CHRM3: variants seen among roughly 807,000 people sequenced by gnomAD.
CHRM3 encodes muscarinic acetylcholine receptor M3.
A neutral mutation model predicts 41.8 loss-of-function variants in CHRM3; 11 were observed. The observed-to-expected ratio is 0.26, with a 90% confidence interval of 0.17 to 0.44. The LOEUF is 0.44. Among genes scored for constraint, CHRM3 ranks in the 20% least tolerant of loss-of-function variants. The pLI, the probability that CHRM3 is intolerant of heterozygous loss-of-function variation, is 1.00. For missense variants in CHRM3, 571 were observed against 745.4 expected, an observed-to-expected ratio of 0.77 and a Z score of 2.72; for synonymous variants, 297 against 301.4, an observed-to-expected ratio of 0.99 and a Z score of 0.15.
intron 5 of CHRM3, among the ~76,000 whole-genome samples, chr1:239,825,263 G>A (rs1410076474): frequency 6.6e-6 from 1 of 152,032 alleles, no homozygotes; most frequent in East Asian, 1.9e-4. Flanking sequence ...ATCTATTCTA[G>A]CCTAAAGAAC....
At position 239,427,608 on chromosome 1, in the gene CHRM3, A is replaced by G. The variant is rs551226544; in HGVS notation, c.-521+40381A>G. 1.1e-4 allele frequency among the ~76,000 whole-genome samples: 17 copies of G among 152,210 alleles called. No homozygotes were observed. The South Asian group carries it at 3.5e-3, about 32-fold the overall frequency. On this transcript the variant is annotated intron_variant, in intron 1 of 6. Coordinates refer to ENST00000676153, the MANE Select transcript of CHRM3 (RefSeq NM_001375978.1). ...GCAAGGAAACACCTGGAGGCTTCAT[A>G]GAGGTCATCCTCCTGGGGCCCAGGG... is the stretch of plus-strand genomic sequence containing the variant.
intron 1 of CHRM3, among the ~76,000 whole-genome samples, chr1:239,448,204 G>A (rs1005521917): frequency 1.3e-5 from 2 of 152,114 alleles, no homozygotes; most frequent in Non-Finnish European, 2.9e-5. Flanking sequence ...GATAACAATG[G>A]CAACATTAAT....
chr1:239,406,353 C>T (rs1042797780), intron 1 of CHRM3, among the ~76,000 whole-genome samples: 15 of 152,042 alleles, frequency 9.9e-5, no homozygotes, highest in African/African-American at 3.4e-4. Flanking sequence ...TTCAAATATG[C>T]GAGAAACAAA....
At chr1:239,851,583 C>G (rs944339678) in intron 6 of CHRM3, among the ~76,000 whole-genome samples, 2 of 152,082 alleles carry the variant, frequency 1.3e-5, no homozygotes, top group African/African-American at 4.8e-5. Context: ...AAAAATCTTC[C>G]TGAAATGTAT....
intron 3 of CHRM3, among the ~76,000 whole-genome samples, chr1:239,619,551 G>A (rs543787889): frequency 3.3e-5 from 5 of 152,272 alleles, no homozygotes; most frequent in African/African-American, 9.6e-5. Context: ...TGTAATTGAT[G>A]AGAATGATGG....
At chr1:239,503,435 C>G (rs1364082225) in intron 2 of CHRM3, among the ~76,000 whole-genome samples, 1 of 152,100 alleles carries the variant, frequency 6.6e-6, no homozygotes, top group Non-Finnish European at 1.5e-5. Flanking sequence ...GAAACACATT[C>G]CATGCTTATG....
At chr1:239,602,127 T>C (rs1970361) in intron 3 of CHRM3, among the ~76,000 whole-genome samples, 81,364 of 132,500 alleles carry the variant, frequency 0.61, 29,682 homozygotes, top group Non-Finnish European at 0.8. Context: ...TATATATATA[T>C]ATATATATAT....
intron 6 of CHRM3, among the ~76,000 whole-genome samples, chr1:239,882,226 G>A (rs528362944): frequency 5.9e-5 from 9 of 152,220 alleles, no homozygotes; most frequent in Middle Eastern, 3.4e-3. Flanking sequence ...CATTTTAACC[G>A]TGAGGAAAAC....
chr1:239,530,211 T>A (rs1169785357), intron 2 of CHRM3, among the ~76,000 whole-genome samples: 4 of 152,080 alleles, frequency 2.6e-5, no homozygotes, highest in Admixed American at 2.6e-4. Flanking sequence ...CCCAAATTAT[T>A]TTTTTTGTTA....
At chr1:239,529,330 G>A (rs1670207752) in intron 2 of CHRM3, among the ~76,000 whole-genome samples, 1 of 151,820 alleles carries the variant, frequency 6.6e-6, no homozygotes, top group Non-Finnish European at 1.5e-5. Context: ...TGCCTTTTTG[G>A]CCGGGCATGG....
At chr1:239,510,324 T>A (rs1175358185) in intron 2 of CHRM3, among the ~76,000 whole-genome samples, 1 of 152,202 alleles carries the variant, frequency 6.6e-6, no homozygotes, top group Non-Finnish European at 1.5e-5. Context: ...CAGAATCAAC[T>A]GGTATCTTCT....
chr1:239,531,887 C>CT (rs1458403924), intron 2 of CHRM3, among the ~76,000 whole-genome samples: 3 of 150,846 alleles, frequency 2.0e-5, no homozygotes, highest in African/African-American at 7.3e-5. Flanking sequence ...TCTCAATCTC[C>CT]TGACCTCGTG....
intron 1 of CHRM3, among the ~76,000 whole-genome samples, chr1:239,421,082 A>G (rs758349887): frequency 6.6e-6 from 1 of 152,186 alleles, no homozygotes; most frequent in Non-Finnish European, 1.5e-5. Flanking sequence ...AAACAATGAT[A>G]TATCCAAATT....
At chr1:239,866,816 C>A (rs558614933) in intron 6 of CHRM3, among the ~76,000 whole-genome samples, 1 of 152,190 alleles carries the variant, frequency 6.6e-6, no homozygotes, top group East Asian at 1.9e-4. Flanking sequence ...TAGTAAATAC[C>A]ATTTATTATG....
intron 1 of CHRM3, among the ~76,000 whole-genome samples, chr1:239,408,704 T>C (rs1468101283): frequency 1.3e-5 from 2 of 151,972 alleles, no homozygotes; most frequent in Non-Finnish European, 2.9e-5. Flanking sequence ...TGGAGTAAAG[T>C]GGCACAATCA....
chr1:239,778,373 C>G (rs1027466118), intron 5 of CHRM3, among the ~76,000 whole-genome samples: 11 of 152,132 alleles, frequency 7.2e-5, no homozygotes, highest in African/African-American at 2.7e-4. Context: ...TGTTATACGT[C>G]TTAAATTTAC....
intron 3 of CHRM3, among the ~76,000 whole-genome samples, chr1:239,607,665 A>T (rs1666500749): frequency 6.6e-6 from 1 of 152,196 alleles, no homozygotes; most frequent in Non-Finnish European, 1.5e-5. Flanking sequence ...AAACTAAAAA[A>T]AAGGCTTAGT....
At chr1:239,901,373 T>C (rs1229895110) in intron 6 of CHRM3, among the ~76,000 whole-genome samples, 1 of 152,036 alleles carries the variant, frequency 6.6e-6, no homozygotes, top group African/African-American at 2.4e-5. Flanking sequence ...CAGATTGAGC[T>C]GAAGTCTTCT....
chr1:239,834,603 C>T (rs951173473), intron 6 of CHRM3, among the ~76,000 whole-genome samples: 2 of 152,186 alleles, frequency 1.3e-5, no homozygotes, highest in Non-Finnish European at 2.9e-5. Context: ...TATCCTTCTA[C>T]TTTAGGTGAA....
Sources: allele counts gnomAD v4.1 joint callset (sites outside exome capture counted in the v4.1 genomes callset), GRCh38; gene constraint gnomAD v4.1.1; transcripts MANE v1.5; gene names NCBI Gene and HGNC (gene_info 2026-07-23, HGNC 2026-07-21).